The following CTSO variants were observed in gnomAD, a reference collection of about 807,000 sequenced individuals.
The protein encoded by CTSO is cathepsin O.
CTSO carries 40 observed loss-of-function variants against 42.4 expected under a neutral mutation model. The observed-to-expected ratio is 0.94, with a 90% CI of 0.73 to 1.23. CTSO has a LOEUF of 1.23. CTSO is among the 50% of genes most tolerant of loss of function. The pLI is 0.00. For missense variants in CTSO, 441 were observed against 396.0 expected, an observed-to-expected ratio of 1.11 and a Z score of -0.96; for synonymous variants, 156 against 146.2, an observed-to-expected ratio of 1.07 and a Z score of -0.48.
At chr4:155,933,630 T>A (rs1335485648) in intron 5 of CTSO, among the ~76,000 whole-genome samples, 1 of 152,190 alleles carries the variant, frequency 6.6e-6, no homozygotes, top group East Asian at 1.9e-4. Flanking sequence ...AATAGTGATA[T>A]GAACAATAAT....
At chr4:155,934,832 G>A (rs906971948) in intron 5 of CTSO, among the ~76,000 whole-genome samples, 2 of 152,114 alleles carry the variant, frequency 1.3e-5, no homozygotes, top group Non-Finnish European at 1.5e-5. Flanking sequence ...GCTCATAGGC[G>A]GAAGGGAGTT....
At chr4:155,929,034 C>T (rs1010186419) in intron 6 of CTSO, among the ~76,000 whole-genome samples, 11 of 152,190 alleles carry the variant, frequency 7.2e-5, no homozygotes, top group Non-Finnish European at 1.5e-4. Context: ...CCTGGCCGAA[C>T]CCTGGGCAGA....
chr4:155,936,965 TC>T (rs1434415612), intron 5 of CTSO, among the ~76,000 whole-genome samples: 1 of 152,202 alleles, frequency 6.6e-6, no homozygotes, highest in Non-Finnish European at 1.5e-5. Flanking sequence ...ACAAAGCAAT[TC>T]TGGATGGACT....
At position 155,953,799 on chromosome 4, in the gene CTSO, A is replaced by G; in HGVS notation, c.49T>C (p.Cys17Arg). The G allele has an allele frequency of 7.4e-7, 1 of 1,345,618 alleles. No individual in the cohort carries two copies. Among genetic ancestry groups the G allele is most frequent in the Non-Finnish European group, 9.6e-7 (1 of 1,045,324 alleles). The allele number at this position is 1,345,618 out of a possible 1,614,324, so 83.4% of individuals were successfully genotyped here. A position where few individuals can be genotyped will look rare whatever the true frequency, so the allele number is the denominator to read the frequency against. The change falls in exon 1 of 8, where the codon TGC (cysteine) becomes CGC (arginine). Residue 17 changes from cysteine (C) to arginine (R), a missense_variant. By Grantham distance (180) the Cys-to-Arg change is radical (BLOSUM62 -3). Coordinates refer to ENST00000433477, the MANE Select transcript of CTSO (RefSeq NM_001334.3). ...PWLPWLLWLL[C>R]RGGGDADSRA... ...GAGTCCGCATCGCCGCCGCCCCGGC[A>G]CAGCAGCCACAGCAGCCACGGCAGC... is the stretch of plus-strand genomic sequence containing the variant.
rs1579337930 is a variant in CTSO, at chr4:155,928,260, A to G, written c.931+76T>C. On this transcript the variant is annotated intron_variant, in intron 7 of 7. Transcript: ENST00000433477. ...TTATTACTGCTAAAGTGGTTTGAGT[A>G]GATTGTAACTCTAAAATATTCAAAT... 4 of 1,060,758 alleles carry G rather than the reference A, an allele frequency of 3.8e-6. No homozygotes were observed. The South Asian group carries it at 5.4e-5, about 14-fold the overall frequency. The allele number at this position is 1,060,758 out of a possible 1,614,324, so 65.7% of individuals were successfully genotyped here.
In CTSO at chr4:155,953,865, C is replaced by CT. The variant is rs1385440104; in HGVS notation, c.-19dup. Reference sequence around the variant, plus strand: ...ACGTCCATTGCGGCGCCCGGCTCCTCTGCCGCCCGCGCGGCCTGTTTTCTC... The same window carrying CT: ...ACGTCCATTGCGGCGCCCGGCTCCTCTTGCCGCCCGCGCGGCCTGTTTTCTC... On this transcript the variant is annotated 5_prime_UTR_variant, in exon 1 of 8. Transcript: ENST00000433477. 2.2e-5 allele frequency: 28 copies of CT among 1,264,306 alleles called. No individual in the cohort carries two copies. The highest frequency in any genetic ancestry group is 6.9e-6 in the Non-Finnish European group (7 of 1,007,642). The allele number at this position is 1,264,306 out of a possible 1,614,324, so 78.3% of individuals were successfully genotyped here.
At chr4:155,935,920 C>A (rs1387674002) in intron 5 of CTSO, among the ~76,000 whole-genome samples, 1 of 152,092 alleles carries the variant, frequency 6.6e-6, no homozygotes, top group Non-Finnish European at 1.5e-5. Flanking sequence ...AGGCCCAATG[C>A]CAACAACTCC....
At chr4:155,940,284 T>C (rs74366407) in intron 3 of CTSO, among the ~76,000 whole-genome samples, 2,192 of 151,980 alleles carry the variant, frequency 0.014, 26 homozygotes, top group South Asian at 0.025. Context: ...AAATTAGGGA[T>C]CGTAGGATCA....
In CTSO at chr4:155,926,053, A is replaced by G; in HGVS notation, c.949T>C (p.Ser317Pro). The G allele has an allele frequency of 1.3e-6, 2 of 1,596,078 alleles. No homozygotes were observed. Among genetic ancestry groups the G allele is most frequent in the Non-Finnish European group, 1.7e-6 (2 of 1,172,572 alleles). Residue 317 changes from serine to proline, a missense_variant, in exon 8 of 8, where the codon TCT becomes CCT. By Grantham distance (74) the Ser-to-Pro change is moderately conservative. Coordinates refer to ENST00000433477, the MANE Select transcript of CTSO (RefSeq NM_001334.3). Reference sequence around the variant, plus strand: ...CCAACATGTCACACAAATATAGAAGAAACGGAATCTGCAATACCTAAGGGA... The same window carrying G: ...CCAACATGTCACACAAATATAGAAGGAACGGAATCTGCAATACCTAAGGGA... ...SNVCGIADSV[S>P]SIFV
Position 155,924,300 on chromosome 4 carries a change from A to G in CTSO, c.*1736T>C, listed in dbSNP as rs1008149993. ...AATACAAACTAGACAAGCAGGACAT[A>G]GTTCTTTTCTGGCATTCCAGGATAA... On this transcript the variant is annotated 3_prime_UTR_variant, in exon 8 of 8. Coordinates refer to ENST00000433477, the MANE Select transcript of CTSO (RefSeq NM_001334.3). 1.5e-4 allele frequency: 23 copies of G among 152,224 alleles called. No homozygotes were observed. Among genetic ancestry groups the G allele is most frequent in the African/African-American group, 5.1e-4 (21 of 41,468 alleles). The allele number at this position is 152,224 out of a possible 1,614,324, so 9.4% of individuals were successfully genotyped here.
intron 1 of CTSO, among the ~76,000 whole-genome samples, chr4:155,948,373 TTGTGTG>T (rs55984712): frequency 0.53 from 80,712 of 150,932 alleles, 22,102 homozygotes; most frequent in South Asian, 0.63. Flanking sequence ...AAAGCTGCCT[TTGTGTG>T]TGTGTGTGTG....
intron 1 of CTSO, 140 bp downstream of exon 1, chr4:155,953,573 A>C (rs1743716052): frequency 9.5e-7 from 1 of 1,057,164 alleles, no homozygotes; most frequent in Non-Finnish European, 1.2e-6. Context: ...TTGCACCCGC[A>C]GCTCAGGGCC....
intron 3 of CTSO, among the ~76,000 whole-genome samples, chr4:155,942,115 G>T (rs1011656787): frequency 1.3e-5 from 2 of 152,024 alleles, no homozygotes; most frequent in African/African-American, 4.8e-5. Flanking sequence ...AGCAAGGAAG[G>T]TTTATCTTCA....
At chr4:155,952,639 G>A (rs1435848625) in intron 1 of CTSO, among the ~76,000 whole-genome samples, 1 of 152,208 alleles carries the variant, frequency 6.6e-6, no homozygotes. Flanking sequence ...GGAGATAACA[G>A]TACACATCTC....
intron 1 of CTSO, among the ~76,000 whole-genome samples, chr4:155,944,761 A>C (rs1245555573): frequency 6.6e-6 from 1 of 152,086 alleles, no homozygotes; most frequent in Non-Finnish European, 1.5e-5. Flanking sequence ...GACTCCCCTG[A>C]CAGCTGGTTT....
chr4:155,943,512 C>G (rs910047257), intron 1 of CTSO, among the ~76,000 whole-genome samples: 2 of 152,058 alleles, frequency 1.3e-5, no homozygotes, highest in East Asian at 1.9e-4. Context: ...TCCCCATCAC[C>G]AGGTTTGTTG....
At chr4:155,931,399 T>A (rs902371324) in intron 5 of CTSO, among the ~76,000 whole-genome samples, 1 of 152,268 alleles carries the variant, frequency 6.6e-6, no homozygotes, top group African/African-American at 2.4e-5. Context: ...ATTTTTAGAA[T>A]GCAAAGGGTA....
intron 5 of CTSO, among the ~76,000 whole-genome samples, chr4:155,936,626 T>C (rs1398651737): frequency 3.3e-5 from 5 of 152,136 alleles, no homozygotes; most frequent in African/African-American, 9.7e-5. Context: ...TCATGATGAG[T>C]CTCCAGCCAG....
intron 5 of CTSO, among the ~76,000 whole-genome samples, chr4:155,931,805 T>TAA (rs1743238914): frequency 1.3e-5 from 2 of 150,826 alleles, no homozygotes; most frequent in Non-Finnish European, 3.0e-5. Context: ...CGAATTATTA[T>TAA]TATAATTATT....
Sources: allele counts gnomAD v4.1 joint callset (sites outside exome capture counted in the v4.1 genomes callset), GRCh38; gene constraint gnomAD v4.1.1; transcripts MANE v1.5; gene names NCBI Gene and HGNC (gene_info 2026-07-23, HGNC 2026-07-21).